Variants in PGM5 observed in about 807,000 individuals in gnomAD.
PGM5 encodes phosphoglucomutase 5, also known as phosphoglucomutase-like protein 5.
PGM5 carries 23 observed loss-of-function variants against 59.2 expected under a neutral mutation model. The ratio of observed to expected loss-of-function variants is 0.39; its 90% CI spans 0.28 to 0.55. The LOEUF is 0.55. PGM5 is among the 20% of genes least tolerant of loss of function. The probability of loss-of-function intolerance (pLI) is 0.66; values close to 1 mark genes in which losing one functional copy is unlikely to be tolerated. For synonymous variants in PGM5, 214 were observed against 286.0 expected, an observed-to-expected ratio of 0.75 and a Z score of 2.54; for missense variants, 574 against 748.3, an observed-to-expected ratio of 0.77 and a Z score of 2.72.
At chr9:68,387,998 C>T (rs1185280942) in intron 4 of PGM5, among the ~76,000 whole-genome samples, 2 of 151,336 alleles carry the variant, frequency 1.3e-5, no homozygotes, top group Non-Finnish European at 1.5e-5. Context: ...GTATTTATCT[C>T]CCTATCATTA....
At chr9:68,459,807 A>G (rs1011416015) in intron 6 of PGM5, among the ~76,000 whole-genome samples, 34 of 152,150 alleles carry the variant, frequency 2.2e-4, no homozygotes, top group African/African-American at 8.0e-4. Context: ...TTATTTGAAT[A>G]TGGTCTTTTG....
At chr9:68,417,973 A>G (rs191937489) in intron 6 of PGM5, among the ~76,000 whole-genome samples, 1 of 152,308 alleles carries the variant, frequency 6.6e-6, no homozygotes, top group Admixed American at 6.5e-5. Flanking sequence ...ACAATTGCCA[A>G]AGCTCTCTCT....
chr9:68,527,187 C>T (rs888948816), intron 10 of PGM5, among the ~76,000 whole-genome samples: 30 of 152,130 alleles, frequency 2.0e-4, no homozygotes, highest in African/African-American at 7.0e-4. Flanking sequence ...CAATAGGTAC[C>T]ACCACTTAAA....
At chr9:68,410,520 C>A (rs429260) in intron 6 of PGM5, among the ~76,000 whole-genome samples, 4 of 152,072 alleles carry the variant, frequency 2.6e-5, no homozygotes, top group Non-Finnish European at 2.9e-5. Flanking sequence ...CATAAACTAT[C>A]ATGATGATAT....
intron 8 of PGM5, among the ~76,000 whole-genome samples, chr9:68,480,435 T>A (rs1160320141): frequency 6.6e-6 from 1 of 152,188 alleles, no homozygotes; most frequent in Admixed American, 6.5e-5. Context: ...CCAGGTGTGG[T>A]GGCTCACGCC....
At position 68,415,220 on chromosome 9, in the gene PGM5, A is replaced by G. The variant is rs78411643; in HGVS notation, c.1043+22747A>G. On this transcript the variant is annotated intron_variant, in intron 6 of 10. Transcript: ENST00000396396. The stretch of plus-strand genomic sequence containing the variant: ...GTTGCTCCTCATATGCAGATGAAAA[A>G]CCTGGGCCAGGTCAAAGTCTGAAGA... Among the ~76,000 whole-genome samples, 2,526 of 149,048 alleles carry G rather than the reference A, an allele frequency of 0.017. 264 individuals are homozygous for G. The East Asian group carries it at 0.27, about 16-fold the overall frequency.
chr9:68,484,541 AACACACACACACAC>A (rs72293391), intron 9 of PGM5, among the ~76,000 whole-genome samples: 100 of 132,332 alleles, frequency 7.6e-4, no homozygotes, highest in African/African-American at 2.5e-3. Context: ...CCATGTCTCA[AACACACACACACAC>A]ACACACACAC....
At chr9:68,398,550 TG>T (rs1299049843) in intron 6 of PGM5, 1 of 152,228 alleles carries the variant, frequency 6.6e-6, no homozygotes, top group Non-Finnish European at 1.5e-5. Context: ...TTGTGAAAAG[TG>T]GGCTGTCAGA....
intron 6 of PGM5, among the ~76,000 whole-genome samples, chr9:68,448,402 T>G (rs1403077055): frequency 6.6e-6 from 1 of 152,156 alleles, no homozygotes; most frequent in African/African-American, 2.4e-5. Context: ...TGCACCTTCA[T>G]GCACAGCCTG....
At chr9:68,380,647 A>C (rs1311985964) in intron 2 of PGM5, among the ~76,000 whole-genome samples, 9 of 151,870 alleles carry the variant, frequency 5.9e-5, no homozygotes, top group African/African-American at 1.2e-4. Flanking sequence ...AATATAAATA[A>C]AATCAAAAGT....
chr9:68,494,403 G>A (rs553656188), intron 9 of PGM5, among the ~76,000 whole-genome samples: 2 of 152,162 alleles, frequency 1.3e-5, no homozygotes, highest in South Asian at 4.1e-4. Flanking sequence ...ATCCTAAAGG[G>A]ACCTTCCTTA....
intron 8 of PGM5, among the ~76,000 whole-genome samples, chr9:68,481,758 C>A (rs1824200066): frequency 6.6e-6 from 1 of 152,122 alleles, no homozygotes; most frequent in South Asian, 2.1e-4. Flanking sequence ...GATTTAATTT[C>A]TTCTAGGACA....
At chr9:68,479,579 T>C (rs1452642308) in intron 8 of PGM5, 26 bp downstream of exon 8, 1 of 1,608,834 alleles carries the variant, frequency 6.2e-7, no homozygotes, top group Admixed American at 1.7e-5. Flanking sequence ...AGGGTCTCTG[T>C]ATGGACCCTG....
intron 10 of PGM5, among the ~76,000 whole-genome samples, chr9:68,524,037 A>G (rs1824935201): frequency 6.6e-6 from 1 of 152,114 alleles, no homozygotes; most frequent in Admixed American, 6.5e-5. Context: ...GATTATAACA[A>G]TGACATAAAG....
At position 68,376,850 on chromosome 9, in the gene PGM5, TC is replaced by T. The variant is rs782480973; in HGVS notation, c.262-1348del. The stretch of plus-strand genomic sequence containing the variant: ...CTTTCTTTCTCTTTCTTTCTTTCTT[TC>T]TCTTTCTTTCTTTTTTCTTTCTCTT... On this transcript the variant is annotated intron_variant, in intron 1 of 10. Coordinates refer to ENST00000396396, the MANE Select transcript of PGM5 (RefSeq NM_021965.4). Among the ~76,000 whole-genome samples, 672 of 110,340 alleles carry T rather than the reference TC, an allele frequency of 6.1e-3. 40 individuals carry two copies. Among genetic ancestry groups the T allele is most frequent in the African/African-American group, 0.017 (542 of 31,774 alleles). 72.4% of individuals were successfully genotyped at this position (110,340 alleles called of 152,430 possible).
chr9:68,434,254 T>G (rs1372905266), intron 6 of PGM5, among the ~76,000 whole-genome samples: 1 of 139,620 alleles, frequency 7.2e-6, no homozygotes, highest in African/African-American at 2.7e-5. Flanking sequence ...GAGGCAGAGG[T>G]TGCAGTGAGC....
At chr9:68,384,328 A>T in intron 2 of PGM5, 70 bp from the exon 3 acceptor site, 1 of 973,310 alleles carries the variant, frequency 1.0e-6, no homozygotes, top group Non-Finnish European at 1.6e-6. Context: ...GTGGAGGAGG[A>T]TGGTAACATT....
chr9:68,390,254 C>T (rs1822330746), intron 4 of PGM5, among the ~76,000 whole-genome samples: 1 of 152,112 alleles, frequency 6.6e-6, no homozygotes, highest in South Asian at 2.1e-4. Context: ...CAGGTTCTTG[C>T]CTTAGCATTA....
At chr9:68,457,297 T>C (rs1233576115) in intron 6 of PGM5, among the ~76,000 whole-genome samples, 1 of 152,198 alleles carries the variant, frequency 6.6e-6, no homozygotes, top group East Asian at 1.9e-4. Flanking sequence ...TCATAGAACA[T>C]GGGACAGACA....
Sources: gnomAD v4.1 joint callset for allele counts (sites outside exome capture counted in the v4.1 genomes callset) on GRCh38, gnomAD v4.1.1 for gene constraint, MANE v1.5 for transcripts, NCBI Gene and HGNC (gene_info 2026-07-23, HGNC 2026-07-21) for gene names.